Variants in LYRM7 observed in about 807,000 individuals in gnomAD.
The protein encoded by LYRM7 is complex III assembly factor LYRM7.
A neutral mutation model predicts 15.8 loss-of-function variants in LYRM7; 9 were observed. The ratio of observed to expected loss-of-function variants is 0.57; its 90% CI spans 0.34 to 0.99. The LOEUF (loss-of-function observed/expected upper bound fraction) is 0.99, where lower values mean the gene tolerates loss of function less well. Among genes scored for constraint, LYRM7 ranks in the 50% least tolerant of loss-of-function variants. LYRM7 has a pLI of 0.02. For synonymous variants in LYRM7, 39 were observed against 39.4 expected, an observed-to-expected ratio of 0.99 and a Z score of 0.04; for missense variants, 115 against 119.1, an observed-to-expected ratio of 0.97 and a Z score of 0.16.
At chr5:131,189,056 G>A (rs749738493) in intron 4 of LYRM7, among the ~76,000 whole-genome samples, 4 of 151,674 alleles carry the variant, frequency 2.6e-5, no homozygotes, top group Non-Finnish European at 4.4e-5. Flanking sequence ...TAAGGGAGGA[G>A]AATCACTTGA....
At chr5:131,177,675 G>T (rs899165129) in intron 1 of LYRM7, among the ~76,000 whole-genome samples, 3 of 152,178 alleles carry the variant, frequency 2.0e-5, no homozygotes, top group Non-Finnish European at 4.4e-5. Context: ...TTAACATCAT[G>T]CTGTGCTGTG....
At chr5:131,172,368 G>A (rs1434204379) in intron 1 of LYRM7, among the ~76,000 whole-genome samples, 1 of 152,188 alleles carries the variant, frequency 6.6e-6, no homozygotes, top group Non-Finnish European at 1.5e-5. Flanking sequence ...AGCCGAGACT[G>A]CGCCACTACA....
At chr5:131,175,659 C>T (rs1320208413) in intron 1 of LYRM7, among the ~76,000 whole-genome samples, 4 of 152,174 alleles carry the variant, frequency 2.6e-5, no homozygotes, top group African/African-American at 4.8e-5. Flanking sequence ...CTCAGCCTCC[C>T]GAGTAGCTAG....
At chr5:131,172,699 CA>C (rs575407142) in intron 1 of LYRM7, among the ~76,000 whole-genome samples, 1 of 149,612 alleles carries the variant, frequency 6.7e-6, no homozygotes. Context: ...ATCCTACGTC[CA>C]AAAAAAAATA....
At chr5:131,180,800 A>G (rs992259696) in intron 2 of LYRM7, among the ~76,000 whole-genome samples, 1 of 152,232 alleles carries the variant, frequency 6.6e-6, no homozygotes. Context: ...TATGTACTTT[A>G]CATGAATTCC....
chr5:131,171,411 C>CA (rs943464167), intron 1 of LYRM7, among the ~76,000 whole-genome samples: 6 of 152,152 alleles, frequency 3.9e-5, no homozygotes, highest in Non-Finnish European at 8.8e-5. Context: ...TGAGCAACAG[C>CA]AGTTCAATGA....
chr5:131,203,792 A>G lies in LYRM7; in HGVS notation c.*4191A>G, dbSNP rs1756119414. On this transcript the variant is annotated 3_prime_UTR_variant, in exon 5 of 5. Transcript: ENST00000379380. Reference sequence around the variant, plus strand: ...TATTCTGTGAAAGCTACTATAAATAAAGTTTAGAGAAAGTTATTTGCCACC... The same window carrying G: ...TATTCTGTGAAAGCTACTATAAATAGAGTTTAGAGAAAGTTATTTGCCACC... 1 of 152,386 alleles carries G rather than the reference A, an allele frequency of 6.6e-6. No individual in the cohort carries two copies. The highest frequency in any genetic ancestry group is 2.4e-5 in the African/African-American group (1 of 41,464). The allele number at this position is 152,386 out of a possible 1,614,324, so 9.4% of individuals were successfully genotyped here. A position where few individuals can be genotyped will look rare whatever the true frequency, so the allele number is the denominator to read the frequency against.
rs140894988 is a variant in LYRM7, at chr5:131,181,467, A to G, written c.92-762A>G. Reference sequence around the variant, plus strand: ...ATATATATATAAAACATATATATGTATATATATATAACATATATATGTATA... The same window carrying G: ...ATATATATATAAAACATATATATGTGTATATATATAACATATATATGTATA... On this transcript the variant is annotated intron_variant, in intron 2 of 4. Coordinates refer to ENST00000379380, the MANE Select transcript of LYRM7 (RefSeq NM_181705.4). 8.7e-3 allele frequency among the ~76,000 whole-genome samples: 1,117 copies of G among 129,070 alleles called. 30 individuals are homozygous for G. The highest frequency in any genetic ancestry group is 0.029 in the African/African-American group (985 of 33,496). The allele number at this position is 129,070 out of a possible 152,430, so 84.7% of individuals were successfully genotyped here.
At chr5:131,180,800 A>T (rs992259696) in intron 2 of LYRM7, among the ~76,000 whole-genome samples, 1 of 152,232 alleles carries the variant, frequency 6.6e-6, no homozygotes, top group African/African-American at 2.4e-5. Flanking sequence ...TATGTACTTT[A>T]CATGAATTCC....
chr5:131,198,032 A>AT (rs753047463), intron 4 of LYRM7, among the ~76,000 whole-genome samples: 2 of 151,028 alleles, frequency 1.3e-5, no homozygotes, highest in African/African-American at 2.4e-5. Flanking sequence ...TGTTTCCCTC[A>AT]TTTTTTTTTC....
At chr5:131,171,187 C>T (rs1434928255) in intron 1 of LYRM7, 149 bp downstream of exon 1, 5 of 782,594 alleles carry the variant, frequency 6.4e-6, no homozygotes, top group Non-Finnish European at 9.4e-6. Context: ...AGATGACCAA[C>T]TCCTAGGGGC....
chr5:131,189,650 A>G (rs1755854833), intron 4 of LYRM7, among the ~76,000 whole-genome samples: 1 of 152,116 alleles, frequency 6.6e-6, no homozygotes, highest in Admixed American at 6.5e-5. Flanking sequence ...CCTTTGTCAT[A>G]AAATCTAAGA....
chr5:131,199,504 T>A, intron 4 of LYRM7, 27 bp from the exon 5 acceptor site: 1 of 1,495,454 alleles, frequency 6.7e-7, no homozygotes, highest in South Asian at 1.3e-5. Context: ...GTGATGTTAA[T>A]TATTCTCTTT....
In LYRM7 at chr5:131,198,032, AT is replaced by A. The variant is rs753047463; in HGVS notation, c.245-1490del. On this transcript the variant is annotated intron_variant, in intron 4 of 4. Coordinates refer to ENST00000379380, the MANE Select transcript of LYRM7 (RefSeq NM_181705.4). ...ATATTTGCCTTATTGTGTTTCCCTC[AT>A]TTTTTTTTCCTGAACTTTCTGAGAG... is the stretch of plus-strand genomic sequence containing the variant. Among the ~76,000 whole-genome samples the A allele has an allele frequency of 2.6e-4, 40 of 151,138 alleles. No homozygotes were observed. In the East Asian group the frequency reaches 4.5e-3, roughly 17 times the overall value.
At chr5:131,192,082 A>G (rs1006678941) in intron 4 of LYRM7, among the ~76,000 whole-genome samples, 5 of 141,406 alleles carry the variant, frequency 3.5e-5, no homozygotes, top group African/African-American at 1.3e-4. Flanking sequence ...CACACACACA[A>G]TGCAATATTA....
chr5:131,204,741 T>TC lies in LYRM7; in HGVS notation c.*5140_*5141insC. On this transcript the variant is annotated 3_prime_UTR_variant, in exon 5 of 5. Coordinates refer to ENST00000379380, the MANE Select transcript of LYRM7 (RefSeq NM_181705.4). The stretch of plus-strand genomic sequence containing the variant: ...AAGCATTTCAGAAAACGGATGTTCA[T>TC]TTGTGTGTGTGTGTGTGTGTAAGCA... 1 of 120,096 alleles carries TC rather than the reference T, an allele frequency of 8.3e-6. No homozygotes were observed. Among genetic ancestry groups the TC allele is most frequent in the South Asian group, 2.3e-4 (1 of 4,266 alleles). 7.4% of individuals were successfully genotyped at this position (120,096 alleles called of 1,614,324 possible). A position where few individuals can be genotyped will look rare whatever the true frequency, so the allele number is the denominator to read the frequency against.
In LYRM7 at chr5:131,187,036, A is replaced by C; in HGVS notation, c.171A>C (p.Lys57Asn). ...TSSKKIEELMKIGSDVELLLR... is the reference protein window; with the variant it reads ...TSSKKIEELMNIGSDVELLLR... ...TTTGGTTTTCTTAACAGCTAATGAA[A>C]ATAGGTTCTGATGTTGAATTATTAC... Residue 57 changes from lysine (K) to asparagine (N), a missense_variant, in exon 4 of 5, where the codon AAA becomes AAC. Coordinates refer to ENST00000379380, the MANE Select transcript of LYRM7 (RefSeq NM_181705.4). The C allele has an allele frequency of 6.5e-7, 1 of 1,544,714 alleles. No individual in the cohort carries two copies. The highest frequency in any genetic ancestry group is 8.8e-7 in the Non-Finnish European group (1 of 1,133,692).
intron 2 of LYRM7, among the ~76,000 whole-genome samples, chr5:131,181,316 T>TATATATATATATATATACACAC (rs1208669077): frequency 2.2e-4 from 6 of 27,642 alleles, no homozygotes; most frequent in African/African-American, 4.1e-4. Flanking sequence ...TATATATATA[T>TATATATATATATATATACACAC]ACACACACAC....
In LYRM7 at chr5:131,199,623, C is replaced by T; in HGVS notation, c.*22C>T. ...ATGAGTTTTCTAGAATACAACAAGTCTTTGTACTTTTTAACTTTAAAATCT... is the reference window on the plus strand; with the variant it reads ...ATGAGTTTTCTAGAATACAACAAGTTTTTGTACTTTTTAACTTTAAAATCT... On this transcript the variant is annotated 3_prime_UTR_variant, in exon 5 of 5. Transcript: ENST00000379380. 1 of 1,541,590 alleles carries T rather than the reference C, an allele frequency of 6.5e-7. No individual in the cohort carries two copies. Among genetic ancestry groups the T allele is most frequent in the Non-Finnish European group, 8.8e-7 (1 of 1,136,342 alleles).
Sources: allele counts gnomAD v4.1 joint callset (sites outside exome capture counted in the v4.1 genomes callset), GRCh38; gene constraint gnomAD v4.1.1; transcripts MANE v1.5; gene names NCBI Gene and HGNC (gene_info 2026-07-23, HGNC 2026-07-21).